The following ADAMTSL1 variants were observed in gnomAD, a reference collection of about 807,000 sequenced individuals.
The protein encoded by ADAMTSL1 is ADAMTS-like protein 1.
ADAMTSL1 carries 126 observed loss-of-function variants against 201.8 expected under a neutral mutation model. That is an observed-to-expected ratio of 0.62 (90% CI 0.54 to 0.72). ADAMTSL1 has a LOEUF of 0.72. Ranked by LOEUF, ADAMTSL1 falls within the 30% of genes least tolerant of loss-of-function variation. The pLI is 0.00. For missense variants in ADAMTSL1, 2,679 were observed against 2,277.8 expected, an observed-to-expected ratio of 1.18 and a Z score of -3.59; for synonymous variants, 1,121 against 903.4, an observed-to-expected ratio of 1.24 and a Z score of -4.32.
chr9:18,230,041 C>A (rs2132402588), intron 2 of ADAMTSL1, among the ~76,000 whole-genome samples: 1 of 152,224 alleles, frequency 6.6e-6, no homozygotes, highest in South Asian at 2.1e-4. Flanking sequence ...ACTTTATTCC[C>A]AGACAAGCAT....
intron 1 of ADAMTSL1, among the ~76,000 whole-genome samples, chr9:17,991,180 C>G (rs757591014): frequency 6.6e-6 from 1 of 152,046 alleles, no homozygotes; most frequent in African/African-American, 2.4e-5. Context: ...ATATTTTGAC[C>G]TCTACTTAAA....
chr9:18,289,175 A>ATCTC lies in ADAMTSL1; in HGVS notation c.207+125194_207+125195insTCTC, dbSNP rs1554650792. Among the ~76,000 whole-genome samples, 3 of 117,218 alleles carry ATCTC rather than the reference A, an allele frequency of 2.6e-5. No individual in the cohort carries two copies. In the East Asian group the frequency reaches 5.8e-4, roughly 23 times the overall value. The allele number at this position is 117,218 out of a possible 152,430, so 76.9% of individuals were successfully genotyped here. A position where few individuals can be genotyped will look rare whatever the true frequency, so the allele number is the denominator to read the frequency against. On this transcript the variant is annotated intron_variant, in intron 2 of 29. Transcript: ENST00000680146. ...TATCTATCTATCTATCTATCTATCT[A>ATCTC]CCTACCTATCTATCTATAGAGAGAT... is the stretch of plus-strand genomic sequence containing the variant.
intron 2 of ADAMTSL1, among the ~76,000 whole-genome samples, chr9:18,171,648 TA>T (rs1355880881): frequency 6.6e-6 from 1 of 152,160 alleles, no homozygotes; most frequent in Non-Finnish European, 1.5e-5. Flanking sequence ...ACTATGATGA[TA>T]GTTTCTTTTG....
At chr9:18,520,137 A>T (rs1174343475) in intron 2 of ADAMTSL1, among the ~76,000 whole-genome samples, 1 of 152,178 alleles carries the variant, frequency 6.6e-6, no homozygotes, top group Non-Finnish European at 1.5e-5. Context: ...TTCAGCCTAT[A>T]ATATTCTCAT....
intron 7 of ADAMTSL1, among the ~76,000 whole-genome samples, chr9:18,648,201 G>A (rs1827944179): frequency 7.4e-6 from 1 of 134,702 alleles, no homozygotes; most frequent in South Asian, 2.5e-4. Flanking sequence ...CAGAGACTAG[G>A]ATTGCCAACC....
intron 1 of ADAMTSL1, among the ~76,000 whole-genome samples, chr9:17,947,201 A>C (rs2131364127): frequency 6.6e-6 from 1 of 151,196 alleles, no homozygotes; most frequent in East Asian, 1.9e-4. Flanking sequence ...ACATATATAA[A>C]GTAATTAAAA....
intron 2 of ADAMTSL1, among the ~76,000 whole-genome samples, chr9:18,467,307 C>A (rs1037673873): frequency 6.6e-6 from 1 of 151,852 alleles, no homozygotes; most frequent in Admixed American, 6.6e-5. Flanking sequence ...TATTAAAATG[C>A]CAAATTAAAA....
chr9:18,564,057 G>A (rs1821718257), intron 3 of ADAMTSL1, among the ~76,000 whole-genome samples: 1 of 152,110 alleles, frequency 6.6e-6, no homozygotes, highest in South Asian at 2.1e-4. Context: ...CGCCACTGGG[G>A]AATGAAAAAA....
chr9:17,963,529 T>C (rs1269405527), intron 1 of ADAMTSL1, among the ~76,000 whole-genome samples: 2 of 152,126 alleles, frequency 1.3e-5, no homozygotes, highest in South Asian at 2.1e-4. Context: ...TGAAAAACAG[T>C]AGGGAATCAA....
chr9:18,531,216 G>A (rs1363311733), intron 2 of ADAMTSL1, among the ~76,000 whole-genome samples: 2 of 152,168 alleles, frequency 1.3e-5, no homozygotes, highest in African/African-American at 4.8e-5. Context: ...ATGTCAGCAT[G>A]GCCAGCACTC....
chr9:18,626,831 TAC>T (rs1308697670), intron 5 of ADAMTSL1, among the ~76,000 whole-genome samples: 122 of 137,854 alleles, frequency 8.8e-4, no homozygotes, highest in African/African-American at 3.0e-3. Context: ...CTTTCTTTCT[TAC>T]TTTCTTTTTC....
intron 1 of ADAMTSL1, among the ~76,000 whole-genome samples, chr9:17,998,576 A>G (rs1218604402): frequency 6.6e-6 from 1 of 152,080 alleles, no homozygotes; most frequent in East Asian, 1.9e-4. Context: ...ATCACAGGGT[A>G]TGTTTAGTTA....
intron 1 of ADAMTSL1, among the ~76,000 whole-genome samples, chr9:18,021,451 C>A (rs1022166348): frequency 1.3e-5 from 2 of 152,078 alleles, no homozygotes; most frequent in Admixed American, 1.3e-4. Context: ...TTTATCTTTT[C>A]ATGTGAAAAA....
intron 2 of ADAMTSL1, among the ~76,000 whole-genome samples, chr9:18,202,135 T>C (rs1237610960): frequency 6.6e-6 from 1 of 152,094 alleles, no homozygotes; most frequent in Non-Finnish European, 1.5e-5. Context: ...GTGTTAAAAA[T>C]CAGTGCATTT....
At chr9:18,423,578 C>T (rs7024977) in intron 2 of ADAMTSL1, among the ~76,000 whole-genome samples, 37,379 of 152,116 alleles carry the variant, frequency 0.25, 5,175 homozygotes, top group East Asian at 0.44. Flanking sequence ...TTGAGGGATG[C>T]AGCTCCTTAA....
chr9:18,391,201 C>G (rs750903904), intron 2 of ADAMTSL1, among the ~76,000 whole-genome samples: 7 of 152,136 alleles, frequency 4.6e-5, no homozygotes, highest in Non-Finnish European at 1.0e-4. Flanking sequence ...AGACGCTGGT[C>G]ATTTTTATAC....
At chr9:18,772,333 T>C (rs143397170) in intron 17 of ADAMTSL1, among the ~76,000 whole-genome samples, 150 of 152,358 alleles carry the variant, frequency 9.8e-4, no homozygotes, top group African/African-American at 3.5e-3. Flanking sequence ...CTGGAGTTTG[T>C]GGCCTTTGAA....
rs536399032 is a variant in ADAMTSL1, at chr9:17,991,501, T to C, written c.87+84579T>C. On this transcript the variant is annotated intron_variant, in intron 1 of 29. Coordinates refer to the ADAMTSL1 transcript ENST00000680146. ...TACTGAGATCCCAGCGCCACAGATA[T>C]TCACCTTTGCTCAGACTCAGAAAAG... Among the ~76,000 whole-genome samples the C allele has an allele frequency of 1.2e-4, 19 of 152,220 alleles. No individual in the cohort carries two copies. In the South Asian group the frequency reaches 3.1e-3, roughly 25 times the overall value.
At chr9:17,997,955 C>A (rs1187861745) in intron 1 of ADAMTSL1, among the ~76,000 whole-genome samples, 3 of 152,018 alleles carry the variant, frequency 2.0e-5, no homozygotes, top group Non-Finnish European at 4.4e-5. Flanking sequence ...CCTGGAATGG[C>A]TGGCACCACT....
Sources: allele counts gnomAD v4.1 joint callset (sites outside exome capture counted in the v4.1 genomes callset), GRCh38; gene constraint gnomAD v4.1.1; transcripts MANE v1.5; gene names NCBI Gene and HGNC (gene_info 2026-07-23, HGNC 2026-07-21).